Variants in NKD1 observed in about 807,000 individuals in gnomAD.
The protein encoded by NKD1 is protein naked cuticle homolog 1.
In NKD1, 21 loss-of-function variants were observed where a neutral mutation model predicts 56.0. That is an observed-to-expected ratio of 0.38 (90% CI 0.27 to 0.54). The LOEUF (loss-of-function observed/expected upper bound fraction) is 0.54. Among genes scored for constraint, NKD1 ranks in the 20% least tolerant of loss-of-function variants. The probability of loss-of-function intolerance (pLI) is 0.82; values close to 1 mark genes in which losing one functional copy is unlikely to be tolerated. For missense variants in NKD1, 578 were observed against 642.7 expected (o/e 0.90, Z 1.09); for synonymous variants, 263 against 265.7 (o/e 0.99, Z 0.10).
In NKD1 at chr16:50,633,072, C is replaced by A; in HGVS notation, c.824-120C>A. On this transcript the variant is annotated intron_variant, in intron 9 of 9. Transcript: ENST00000268459. The surrounding 1 kb of genome is among the most constrained non-coding windows in gnomAD (Gnocchi z 4.9). ...TTCCTGCAAGGCAGTGAGGGGCAGT[C>A]AGGGCATTGGGGGGTAGCTCTGGTT... is the stretch of plus-strand genomic sequence containing the variant. The A allele has an allele frequency of 1.2e-6, 1 of 865,528 alleles. No individual in the cohort carries two copies. The highest frequency in any genetic ancestry group is 1.7e-6 in the Non-Finnish European group (1 of 588,098). 53.6% of individuals were successfully genotyped at this position (865,528 alleles called of 1,614,324 possible). A position where few individuals can be genotyped will look rare whatever the true frequency, so the allele number is the denominator to read the frequency against.
chr16:50,620,750 C>A (rs1962067510), intron 4 of NKD1, among the ~76,000 whole-genome samples: 1 of 152,166 alleles, frequency 6.6e-6, no homozygotes, highest in South Asian at 2.1e-4. Flanking sequence ...GATCCTAGGT[C>A]AAGGACAATG....
rs1325657195 is a variant in NKD1 at position 50,621,661 on chromosome 16, A to G, written c.319A>G (p.Arg107Gly). Reference protein sequence around the residue: ...LGSGDEKKMERVSEPCPGSKK... With the variant: ...LGSGDEKKMEGVSEPCPGSKK... ...CAGCGGAGATGAGAAGAAGATGGAG[A>G]GAGTGAGCGAACCCTGCCCAGGCTC... The change falls in exon 5 of 10, where the codon AGA becomes GGA. Residue 107 changes from arginine (R) to glycine (G), a missense_variant. Arg to Gly is a moderately radical substitution (Grantham distance 125, BLOSUM62 -2). Coordinates refer to ENST00000268459, the MANE Select transcript of NKD1 (RefSeq NM_033119.5). The G allele has an allele frequency of 6.2e-7, 1 of 1,614,004 alleles. No individual in the cohort carries two copies. The highest frequency in any genetic ancestry group is 8.5e-7 in the Non-Finnish European group (1 of 1,179,938).
chr16:50,579,404 T>A (rs980535103), intron 3 of NKD1, among the ~76,000 whole-genome samples: 3 of 147,522 alleles, frequency 2.0e-5, no homozygotes, highest in Non-Finnish European at 4.5e-5. Flanking sequence ...ACACATGCAC[T>A]GTCTTAGTCC....
chr16:50,598,262 T>TGTGCGCGCAC lies in NKD1; in HGVS notation c.193-10031_193-10030insTGCGCGCACG, dbSNP rs138964473. On this transcript the variant is annotated intron_variant, in intron 3 of 9. Coordinates refer to ENST00000268459, the MANE Select transcript of NKD1 (RefSeq NM_033119.5). The surrounding 1 kb of genome is among the most constrained non-coding windows in gnomAD (Gnocchi z 4.2). ...GTGTGTGTGTGTGTGTGTGTGTGTG[T>TGTGCGCGCAC]GCGCGCACACCTGTGCTCATGGACA... Among the ~76,000 whole-genome samples, 1 of 148,572 alleles carries TGTGCGCGCAC rather than the reference T, an allele frequency of 6.7e-6. No homozygotes were observed. The highest frequency in any genetic ancestry group is 1.5e-5 in the Non-Finnish European group (1 of 67,548).
At chr16:50,567,850 G>A (rs575080234) in intron 3 of NKD1, among the ~76,000 whole-genome samples, 1 of 152,320 alleles carries the variant, frequency 6.6e-6, no homozygotes, top group African/African-American at 2.4e-5. Flanking sequence ...TGTTAAGGAG[G>A]GCCTGTCTCG....
At chr16:50,592,413 A>T (rs1411663689) in intron 3 of NKD1, among the ~76,000 whole-genome samples, 2 of 152,202 alleles carry the variant, frequency 1.3e-5, no homozygotes, top group African/African-American at 4.8e-5. Flanking sequence ...CGCAGCCAGG[A>T]TGGTTTTATC....
At chr16:50,549,366 G>T (rs939333116) in intron 2 of NKD1, 56 bp from the exon 3 acceptor site, 7 of 1,584,570 alleles carry the variant, frequency 4.4e-6, no homozygotes, top group African/African-American at 4.1e-5. Context: ...CCTCCGCGGG[G>T]GTAACTTTTG....
At position 50,608,093 on chromosome 16, in the gene NKD1, G is replaced by A. The variant is rs1961754497; in HGVS notation, c.193-201G>A. On this transcript the variant is annotated intron_variant, in intron 3 of 9. Coordinates refer to ENST00000268459, the MANE Select transcript of NKD1 (RefSeq NM_033119.5). The stretch of plus-strand genomic sequence containing the variant: ...CATAGCCTGTGGTGGCCTGAATGTT[G>A]TGCTGATGCGTGTGGGTTTATGTTA... 6 of 585,808 alleles carry A rather than the reference G, an allele frequency of 1.0e-5. No individual in the cohort carries two copies. The Admixed American group carries it at 1.6e-4, about 16-fold the overall frequency. 36.3% of individuals were successfully genotyped at this position (585,808 alleles called of 1,614,324 possible). A position where few individuals can be genotyped will look rare whatever the true frequency, so the allele number is the denominator to read the frequency against.
chr16:50,548,813 C>T, intron 2 of NKD1, 64 bp downstream of exon 2: 1 of 1,332,564 alleles, frequency 7.5e-7, no homozygotes, highest in Non-Finnish European at 9.6e-7. Context: ...CGCGGCAGAA[C>T]GGCCCAGCCC....
At position 50,621,606 on chromosome 16, in the gene NKD1, C is replaced by G. The variant is rs749980069; in HGVS notation, c.264C>G (p.Ala88=). The change falls in exon 5 of 10, where the codon GCC becomes GCG. Residue 88 remains alanine (A), a synonymous_variant. Transcript: ENST00000268459. The part of the protein sequence containing the change: ...EEEDDFRLEV[A]LPPEKTDGLG... ...CCTCGCCTGCCTCCCCGACAGTGGC[C>G]CTGCCTCCTGAGAAGACTGACGGGC... The G allele has an allele frequency of 6.2e-7, 1 of 1,613,164 alleles. No individual in the cohort carries two copies. Among genetic ancestry groups the G allele is most frequent in the Non-Finnish European group, 8.5e-7 (1 of 1,179,386 alleles).
At chr16:50,576,740 A>G (rs571759687) in intron 3 of NKD1, among the ~76,000 whole-genome samples, 1 of 93,592 alleles carries the variant, frequency 1.1e-5, no homozygotes, top group South Asian at 4.7e-4. Flanking sequence ...ATATCTCAAT[A>G]AAGTGCTTTT....
chr16:50,561,892 GA>G (rs1426920057), intron 3 of NKD1, among the ~76,000 whole-genome samples: 1 of 152,186 alleles, frequency 6.6e-6, no homozygotes, highest in Non-Finnish European at 1.5e-5. Context: ...TGGAGTTATA[GA>G]AAAGGACTGA....
chr16:50,570,107 G>A (rs925911099), intron 3 of NKD1, among the ~76,000 whole-genome samples: 2 of 152,312 alleles, frequency 1.3e-5, no homozygotes, highest in Admixed American at 6.5e-5. Flanking sequence ...AAAATCACAT[G>A]TAACGATAGT....
At chr16:50,574,407 C>A in intron 3 of NKD1, 1 of 985,350 alleles carries the variant, frequency 1.0e-6, no homozygotes, top group Non-Finnish European at 1.2e-6. Flanking sequence ...CTGGCTGAGT[C>A]GACATAGCCG....
intron 4 of NKD1, among the ~76,000 whole-genome samples, chr16:50,612,657 G>T (rs1490242254): frequency 2.6e-5 from 4 of 152,228 alleles, no homozygotes; most frequent in Non-Finnish European, 5.9e-5. Flanking sequence ...GCAGATGCCA[G>T]GAAGGAGCCA....
intron 3 of NKD1, among the ~76,000 whole-genome samples, chr16:50,573,268 GC>G (rs1960922758): frequency 6.6e-6 from 1 of 151,816 alleles, no homozygotes; most frequent in Non-Finnish European, 1.5e-5. Context: ...TCCCTGTGGT[GC>G]CCCCCTGCAC....
chr16:50,584,584 A>C (rs1961188217), intron 3 of NKD1, among the ~76,000 whole-genome samples: 1 of 152,214 alleles, frequency 6.6e-6, no homozygotes, highest in Non-Finnish European at 1.5e-5. Context: ...TGATAATAGA[A>C]GGGATGTTGC....
chr16:50,592,272 G>A (rs1264540995), intron 3 of NKD1, among the ~76,000 whole-genome samples: 2 of 152,246 alleles, frequency 1.3e-5, no homozygotes, highest in African/African-American at 4.8e-5. Context: ...GCCTTCTAAG[G>A]CCACTGTCCC....
chr16:50,606,672 T>C (rs1200628644), intron 3 of NKD1: 2 of 423,404 alleles, frequency 4.7e-6, no homozygotes, highest in Non-Finnish European at 9.8e-6. Context: ...AAGACACGAG[T>C]ACTCAGACGT....
Sources: gnomAD v4.1 joint callset for allele counts (sites outside exome capture counted in the v4.1 genomes callset) on GRCh38, gnomAD v4.1.1 for gene constraint, Gnocchi (gnomAD v3.1) non-coding constraint, MANE v1.5 for transcripts, NCBI Gene and HGNC (gene_info 2026-07-23, HGNC 2026-07-21) for gene names.